The following MNAT1 variants were observed in gnomAD, a reference collection of about 807,000 sequenced individuals.
The protein encoded by MNAT1 is CDK-activating kinase assembly factor MAT1.
In MNAT1, 43 loss-of-function variants were observed where a neutral mutation model predicts 42.0. The ratio of observed to expected loss-of-function variants is 1.02; its 90% confidence interval spans 0.80 to 1.32. The LOEUF (loss-of-function observed/expected upper bound fraction) is 1.32. MNAT1 is among the 40% of genes most tolerant of loss of function. The pLI is 0.00. For synonymous variants in MNAT1, 118 were observed against 120.0 expected, an observed-to-expected ratio of 0.98 and a Z score of 0.11; for missense variants, 306 against 350.4, an observed-to-expected ratio of 0.87 and a Z score of 1.01.
intron 7 of MNAT1, among the ~76,000 whole-genome samples, chr14:60,932,691 A>C (rs1247460113): frequency 6.6e-6 from 1 of 152,054 alleles, no homozygotes; most frequent in Non-Finnish European, 1.5e-5. Flanking sequence ...ATTAATTCCC[A>C]ATAGTTAAAC....
chr14:60,911,028 C>G (rs1341235072), intron 7 of MNAT1, among the ~76,000 whole-genome samples: 2 of 152,122 alleles, frequency 1.3e-5, no homozygotes, highest in African/African-American at 4.8e-5. Context: ...TTCAGAGATT[C>G]AACTTCTTCC....
chr14:60,967,567 G>C (rs1286822149), intron 7 of MNAT1, among the ~76,000 whole-genome samples: 2 of 151,994 alleles, frequency 1.3e-5, no homozygotes, highest in African/African-American at 4.8e-5. Context: ...TAAAAAAACT[G>C]TGTGGTTGCA....
intron 6 of MNAT1, among the ~76,000 whole-genome samples, chr14:60,861,945 C>A (rs988907751): frequency 2.6e-5 from 4 of 152,136 alleles, no homozygotes; most frequent in Non-Finnish European, 5.9e-5. Context: ...TCTTGTATAT[C>A]AGAGTCCAGT....
intron 1 of MNAT1, among the ~76,000 whole-genome samples, chr14:60,777,046 C>T (rs1367652125): frequency 6.6e-6 from 1 of 152,048 alleles, no homozygotes; most frequent in Admixed American, 6.6e-5. Context: ...GACAAGGTTT[C>T]GCCATGTTGC....
At chr14:60,926,089 A>G (rs1384967243) in intron 7 of MNAT1, among the ~76,000 whole-genome samples, 1 of 152,188 alleles carries the variant, frequency 6.6e-6, no homozygotes. Context: ...AGAAATCCCT[A>G]GTAGTTAAAA....
At chr14:60,803,663 T>A (rs1017627716) in intron 3 of MNAT1, among the ~76,000 whole-genome samples, 3 of 152,272 alleles carry the variant, frequency 2.0e-5, no homozygotes, top group African/African-American at 7.2e-5. Context: ...ATCTTATAGG[T>A]AGAAGGGTGC....
intron 7 of MNAT1, among the ~76,000 whole-genome samples, chr14:60,909,605 C>G (rs964880054): frequency 4.7e-4 from 71 of 152,066 alleles, no homozygotes; most frequent in Admixed American, 3.1e-3. Context: ...GCTTGTTTTT[C>G]TCAGGTTTGT....
At chr14:60,833,491 C>T (rs537589842) in intron 6 of MNAT1, among the ~76,000 whole-genome samples, 1 of 152,234 alleles carries the variant, frequency 6.6e-6, no homozygotes, top group African/African-American at 2.4e-5. Flanking sequence ...TTTTGATTTG[C>T]ATATGTTGAA....
chr14:60,960,156 A>G (rs1404159927), intron 7 of MNAT1, among the ~76,000 whole-genome samples: 3 of 152,172 alleles, frequency 2.0e-5, no homozygotes, highest in Non-Finnish European at 2.9e-5. Context: ...GGGGGAATCA[A>G]ATAGGTTACC....
At chr14:60,879,993 A>G (rs1459010188) in intron 7 of MNAT1, 158 bp downstream of exon 7, 3 of 636,220 alleles carry the variant, frequency 4.7e-6, no homozygotes, top group Non-Finnish European at 7.0e-6. Context: ...TATTTAGTAC[A>G]TTAATTTTTC....
intron 6 of MNAT1, among the ~76,000 whole-genome samples, chr14:60,877,751 T>C (rs1395643266): frequency 6.6e-6 from 1 of 152,098 alleles, no homozygotes; most frequent in Non-Finnish European, 1.5e-5. Flanking sequence ...ATGATAGATA[T>C]GTAAATCTCA....
At chr14:60,835,033 T>G (rs1261331318) in intron 6 of MNAT1, among the ~76,000 whole-genome samples, 1 of 142,076 alleles carries the variant, frequency 7.0e-6, no homozygotes, top group African/African-American at 2.6e-5. Flanking sequence ...CATTCGTTCA[T>G]TCGTTCAAAG....
intron 7 of MNAT1, among the ~76,000 whole-genome samples, chr14:60,966,452 A>G (rs1177127912): frequency 1.3e-5 from 2 of 152,144 alleles, no homozygotes; most frequent in African/African-American, 4.8e-5. Context: ...TAGTCTCTAA[A>G]GTGGGATGTG....
chr14:60,818,367 A>G lies in MNAT1; in HGVS notation c.562-355A>G, dbSNP rs138053474. Among the ~76,000 whole-genome samples, 24 of 152,172 alleles carry G rather than the reference A, an allele frequency of 1.6e-4. No individual in the cohort carries two copies. In the East Asian group the frequency reaches 4.6e-3, roughly 29 times the overall value. ...TTCAAACTGGTCTAAATTTACTGGTAAAAAGAATGCGTCTTAGATAAACAT... is the reference window on the plus strand; with the variant it reads ...TTCAAACTGGTCTAAATTTACTGGTGAAAAGAATGCGTCTTAGATAAACAT... On this transcript the variant is annotated intron_variant, in intron 5 of 7. Coordinates refer to ENST00000261245, the MANE Select transcript of MNAT1 (RefSeq NM_002431.4).
At chr14:60,762,041 A>G (rs1169039463) in intron 1 of MNAT1, among the ~76,000 whole-genome samples, 2 of 151,986 alleles carry the variant, frequency 1.3e-5, no homozygotes, top group African/African-American at 2.4e-5. Context: ...TCAGATATTC[A>G]TTTTTTCTTT....
At chr14:60,736,773 C>CT (rs1186794213) in intron 1 of MNAT1, among the ~76,000 whole-genome samples, 6 of 152,106 alleles carry the variant, frequency 3.9e-5, no homozygotes, top group African/African-American at 1.4e-4. Context: ...GAAAATAGTG[C>CT]TGCTTGTATC....
At chr14:60,806,085 A>T (rs993590539) in intron 3 of MNAT1, among the ~76,000 whole-genome samples, 1 of 152,190 alleles carries the variant, frequency 6.6e-6, no homozygotes, top group Non-Finnish European at 1.5e-5. Flanking sequence ...GTGCCTTAGA[A>T]GTAGTGGAAG....
chr14:60,880,051 C>T (rs1045093636), intron 7 of MNAT1: 2 of 322,452 alleles, frequency 6.2e-6, no homozygotes, highest in Non-Finnish European at 1.1e-5. Context: ...TACATTCGTT[C>T]TTTTAGAAGT....
At chr14:60,801,068 G>A (rs983246835) in intron 3 of MNAT1, among the ~76,000 whole-genome samples, 2 of 152,014 alleles carry the variant, frequency 1.3e-5, no homozygotes, top group African/African-American at 4.8e-5. Context: ...ACCTAGCACT[G>A]GGAAATAGAG....
Sources: allele counts gnomAD v4.1 joint callset (sites outside exome capture counted in the v4.1 genomes callset), GRCh38; gene constraint gnomAD v4.1.1; transcripts MANE v1.5; gene names NCBI Gene and HGNC (gene_info 2026-07-23, HGNC 2026-07-21).